PDE11A: variants seen among roughly 807,000 people sequenced by gnomAD.
PDE11A encodes the protein phosphodiesterase 11A, also known as dual 3',5'-cyclic-AMP and -GMP phosphodiesterase 11A.
PDE11A carries 100 observed loss-of-function variants against 100.5 expected under a neutral mutation model. The ratio of observed to expected loss-of-function variants is 1.00; its 90% CI spans 0.85 to 1.18. PDE11A has a LOEUF of 1.18. Ranked by LOEUF, PDE11A falls within the 50% of genes most tolerant of loss-of-function variation. PDE11A has a pLI of 0.00. For missense variants in PDE11A, 1,141 were observed against 1,152.6 expected (o/e 0.99, Z 0.15); for synonymous variants, 381 against 420.8 (o/e 0.91, Z 1.16).
At position 177,660,045 on chromosome 2, in the gene PDE11A, T is replaced by TTCTCTCTTTCCTTCTTTC. The variant is rs1553535184; in HGVS notation, c.2646+3820_2646+3821insGAAAGAAGGAAAGAGAGA. On this transcript the variant is annotated intron_variant, in intron 19 of 19. Transcript: ENST00000286063. Reference sequence around the variant, plus strand: ...TGTTACAATCATTTTCTTTCTTTCTTTCTTTCTTTCTTTCTTTCTTTCTTT... The same window carrying TTCTCTCTTTCCTTCTTTC: ...TGTTACAATCATTTTCTTTCTTTCTTTCTCTCTTTCCTTCTTTCTCTTTCTTTCTTTCTTTCTTTCTTT... Among the ~76,000 whole-genome samples the TTCTCTCTTTCCTTCTTTC allele has an allele frequency of 1.2e-3, 10 of 8,452 alleles. 2 individuals are homozygous for TTCTCTCTTTCCTTCTTTC. The highest frequency in any genetic ancestry group is 0.02 in the South Asian group (1 of 50). The allele number at this position is 8,452 out of a possible 152,430, so 5.5% of individuals were successfully genotyped here.
At chr2:177,744,896 T>C (rs756009721) in intron 10 of PDE11A, among the ~76,000 whole-genome samples, 2 of 152,228 alleles carry the variant, frequency 1.3e-5, no homozygotes, top group Non-Finnish European at 2.9e-5. Flanking sequence ...AAGAATGGCA[T>C]GTTTCAGATG....
intron 2 of PDE11A, among the ~76,000 whole-genome samples, chr2:177,999,255 C>A (rs1053220849): frequency 3.3e-5 from 5 of 151,970 alleles, no homozygotes; most frequent in African/African-American, 1.2e-4. Flanking sequence ...TTAGAGTCAA[C>A]CACTGAAAAG....
At chr2:177,688,267 T>C (rs1054851651) in intron 15 of PDE11A, 8 of 152,250 alleles carry the variant, frequency 5.3e-5, no homozygotes, top group Non-Finnish European at 1.2e-4. Flanking sequence ...TGCAGATTGC[T>C]TGTGCCAGGT....
intron 2 of PDE11A, among the ~76,000 whole-genome samples, chr2:177,918,861 G>T (rs190558005): frequency 1.4e-4 from 21 of 152,196 alleles, no homozygotes; most frequent in Admixed American, 1.3e-3. Context: ...CTCAGAAAAG[G>T]GGCTAGTCCA....
At chr2:177,662,471 C>T (rs141450498) in intron 19 of PDE11A, among the ~76,000 whole-genome samples, 1 of 152,288 alleles carries the variant, frequency 6.6e-6, no homozygotes, top group East Asian at 1.9e-4. Flanking sequence ...AGTAATTCAA[C>T]ATGTATAGTC....
Position 177,808,065 on chromosome 2 carries a change from T to C in PDE11A, c.1737+8764A>G, listed in dbSNP as rs187716765. Among the ~76,000 whole-genome samples the C allele has an allele frequency of 1.4e-4, 22 of 152,332 alleles. No homozygotes were observed. The East Asian group carries it at 3.9e-3, about 27-fold the overall frequency. On this transcript the variant is annotated intron_variant, in intron 9 of 19. Transcript: ENST00000286063. ...AAGTTTCAGAATAAAAATTTCAAGA[T>C]ATATTTGAGAAACACAAATAAATCT... is the stretch of plus-strand genomic sequence containing the variant.
At chr2:177,859,145 T>C (rs1024053427) in intron 5 of PDE11A, among the ~76,000 whole-genome samples, 3 of 151,972 alleles carry the variant, frequency 2.0e-5, no homozygotes, top group African/African-American at 4.8e-5. Flanking sequence ...TACCTAATGC[T>C]AAATGACGAG....
At chr2:178,054,057 A>G (rs529832217) in intron 1 of PDE11A, among the ~76,000 whole-genome samples, 3 of 152,320 alleles carry the variant, frequency 2.0e-5, no homozygotes, top group Non-Finnish European at 4.4e-5. Flanking sequence ...CGCCAAGTCA[A>G]TCCTAAGCCA....
Position 178,072,763 on chromosome 2 carries a change from ACTG to A in PDE11A, c.-329_-327del. 1.6e-6 allele frequency: 2 copies of A among 1,286,524 alleles called. No homozygotes were observed. The highest frequency in any genetic ancestry group is 2.0e-6 in the Non-Finnish European group (2 of 1,007,268). 79.7% of individuals were successfully genotyped at this position (1,286,524 alleles called of 1,614,324 possible). The stretch of plus-strand genomic sequence containing the variant: ...TCTGGCTGCCGCCGCTGCTGCTGGA[ACTG>A]CTGCTGTAACCGGATGAGTGGACCG... On this transcript the variant is annotated 5_prime_UTR_variant, in exon 1 of 20. Coordinates refer to ENST00000286063, the MANE Select transcript of PDE11A (RefSeq NM_016953.4).
chr2:177,638,005 T>A lies in PDE11A; in HGVS notation c.2647-8443A>T, dbSNP rs1282629049. ...TATATATATATATATATATTTTTTT[T>A]TTTTTTTTTTTTGAGATGGAGTCTC... is the stretch of plus-strand genomic sequence containing the variant. On this transcript the variant is annotated intron_variant, in intron 19 of 19. Coordinates refer to ENST00000286063, the MANE Select transcript of PDE11A (RefSeq NM_016953.4). 6.9e-3 allele frequency among the ~76,000 whole-genome samples: 880 copies of A among 127,964 alleles called. 11 individuals carry two copies. The highest frequency in any genetic ancestry group is 0.01 in the Non-Finnish European group (616 of 60,872). The allele number at this position is 127,964 out of a possible 152,430, so 83.9% of individuals were successfully genotyped here.
intron 1 of PDE11A, among the ~76,000 whole-genome samples, chr2:178,016,402 C>G (rs375704667): frequency 1.3e-5 from 2 of 152,044 alleles, no homozygotes; most frequent in Admixed American, 1.3e-4. Context: ...CCAAACAAAA[C>G]CAAATCTCCT....
At chr2:177,946,027 C>T (rs2085419440) in intron 2 of PDE11A, among the ~76,000 whole-genome samples, 1 of 148,104 alleles carries the variant, frequency 6.8e-6, no homozygotes, top group Non-Finnish European at 1.5e-5. Context: ...CCCACCCGGC[C>T]AGCCGCCCCG....
chr2:178,018,340 G>A (rs1042631251), intron 1 of PDE11A: 3 of 453,850 alleles, frequency 6.6e-6, no homozygotes, highest in African/African-American at 2.0e-5. Flanking sequence ...CTATGCAGAC[G>A]CATCACGGAA....
intron 1 of PDE11A, among the ~76,000 whole-genome samples, chr2:178,107,083 C>A (rs1309296932): frequency 1.3e-5 from 2 of 151,626 alleles, no homozygotes; most frequent in South Asian, 4.2e-4. Context: ...TCATAAACTA[C>A]AGATTTCACA....
chr2:177,967,994 C>T (rs1027595835), intron 2 of PDE11A, among the ~76,000 whole-genome samples: 1 of 152,066 alleles, frequency 6.6e-6, no homozygotes, highest in Non-Finnish European at 1.5e-5. Context: ...AGCCATTTGC[C>T]CAAAGTCACA....
rs2079838355 is a variant in PDE11A at position 177,626,731 on chromosome 2, G to C, written c.*2676C>G. On this transcript the variant is annotated 3_prime_UTR_variant, in exon 20 of 20. Coordinates refer to ENST00000286063, the MANE Select transcript of PDE11A (RefSeq NM_016953.4). ...CTTCCCTGCAGAGACAGCTGTAAAG[G>C]GTAGCTAGGAACATTATTTTTTAGG... The C allele has an allele frequency of 6.6e-6, 1 of 152,242 alleles. No individual in the cohort carries two copies. 9.4% of individuals were successfully genotyped at this position (152,242 alleles called of 1,614,324 possible). A position where few individuals can be genotyped will look rare whatever the true frequency, so the allele number is the denominator to read the frequency against.
chr2:177,697,429 G>A lies in PDE11A; in HGVS notation c.2248C>T (p.His750Tyr). The A allele has an allele frequency of 2.0e-6, 3 of 1,496,660 alleles. No homozygotes were observed. Among genetic ancestry groups the A allele is most frequent in the South Asian group, 1.1e-5 (1 of 88,800 alleles). The allele number at this position is 1,496,660 out of a possible 1,614,324, so 92.7% of individuals were successfully genotyped here. Residue 750 changes from histidine (H) to tyrosine (Y), a missense_variant, in exon 15 of 20, where the codon CAC (histidine) becomes TAC (tyrosine). By Grantham distance (83) the His-to-Tyr change is moderately conservative (BLOSUM62 2). Coordinates refer to ENST00000286063, the MANE Select transcript of PDE11A (RefSeq NM_016953.4). ...GAGGACAGGTTAGCAAAGATATTGT[G>A]ACCCTGTAATGAGAAAGTAAAAAGT... ...HAVMILQSEG[H>Y]NIFANLSSKE...
chr2:177,682,662 C>T (rs1196924763), intron 15 of PDE11A, among the ~76,000 whole-genome samples: 2 of 152,184 alleles, frequency 1.3e-5, no homozygotes, highest in African/African-American at 4.8e-5. Flanking sequence ...TTAAGAGATC[C>T]TAACACACCA....
chr2:178,021,668 A>C (rs1265764877), intron 1 of PDE11A, among the ~76,000 whole-genome samples: 1 of 152,238 alleles, frequency 6.6e-6, no homozygotes, highest in South Asian at 2.1e-4. Flanking sequence ...GAGGAAACAC[A>C]TAGCATTACG....
Sources: gnomAD v4.1 joint callset for allele counts (sites outside exome capture counted in the v4.1 genomes callset) on GRCh38, gnomAD v4.1.1 for gene constraint, MANE v1.5 for transcripts, NCBI Gene and HGNC (gene_info 2026-07-23, HGNC 2026-07-21) for gene names.